The following BRD10 variants were observed in gnomAD, a reference collection of about 807,000 sequenced individuals.
BRD10 encodes uncharacterized bromodomain-containing protein 10.
the BRD10 span, among the ~76,000 whole-genome samples, chr9:5,982,232 A>T: frequency 6.6e-6 from 1 of 152,176 alleles, no homozygotes; most frequent in Admixed American, 6.5e-5. Context: ...CTCCTACTGC[A>T]AGCAGCTACA....
At chr9:5,984,708 T>C in the BRD10 span, among the ~76,000 whole-genome samples, 1 of 152,046 alleles carries the variant, frequency 6.6e-6, no homozygotes, top group Non-Finnish European at 1.5e-5. Flanking sequence ...TAATTGTAAA[T>C]TAAATTTTAA....
At chr9:5,920,259 T>G in the BRD10 span, 1 of 1,613,936 alleles carries the variant, frequency 6.2e-7, no homozygotes, top group African/African-American at 1.3e-5. Flanking sequence ...TTAGTAGATA[T>G]AAGGAGAACA....
At chr9:5,896,649 G>A in the BRD10 span, among the ~76,000 whole-genome samples, 6 of 152,290 alleles carry the variant, frequency 3.9e-5, no homozygotes, top group South Asian at 1.0e-3. Flanking sequence ...CAGTTCTGTC[G>A]ATTTTGATCA....
At chr9:5,971,818 G>A in the BRD10 span, among the ~76,000 whole-genome samples, 1 of 152,088 alleles carries the variant, frequency 6.6e-6, no homozygotes, top group South Asian at 2.1e-4. Flanking sequence ...CACACACTCA[G>A]TAGAGGGGCA....
At chr9:5,897,495 C>G in the BRD10 span, 1 of 1,441,368 alleles carries the variant, frequency 6.9e-7, no homozygotes, top group Non-Finnish European at 9.8e-7. Flanking sequence ...CTGATTTATG[C>G]TTCATCATAA....
the BRD10 span, among the ~76,000 whole-genome samples, chr9:5,927,846 A>C: frequency 6.6e-6 from 1 of 151,890 alleles, no homozygotes; most frequent in Admixed American, 6.6e-5. Context: ...TTTCTTCTCT[A>C]TCTATGCTCA....
At chr9:5,908,643 C>T in the BRD10 span, 2 of 1,613,908 alleles carry the variant, frequency 1.2e-6, no homozygotes, top group South Asian at 1.1e-5. Context: ...CTCACAGGTT[C>T]CCAATGCTCC....
the BRD10 span, chr9:5,908,488 C>G: frequency 1.4e-6 from 1 of 696,970 alleles, no homozygotes; most frequent in Non-Finnish European, 2.5e-6. Context: ...TGAAATTTAA[C>G]AATTACTTCA....
the BRD10 span, chr9:6,007,977 T>A: frequency 1.6e-6 from 2 of 1,284,612 alleles, no homozygotes; most frequent in Non-Finnish European, 2.0e-6. Context: ...CGGGGCGGGG[T>A]TACATGGCGC....
chr9:5,979,635 C>A, the BRD10 span, among the ~76,000 whole-genome samples: 1 of 152,030 alleles, frequency 6.6e-6, no homozygotes, highest in African/African-American at 2.4e-5. Context: ...ATCAAAACTG[C>A]TATCTAATAA....
chr9:5,897,683 T>C, the BRD10 span: 1 of 1,573,594 alleles, frequency 6.4e-7, no homozygotes, highest in Non-Finnish European at 8.7e-7. Context: ...CTGAAATCCC[T>C]CCAAGTCCAG....
At chr9:5,993,877 T>C in the BRD10 span, among the ~76,000 whole-genome samples, 1 of 152,136 alleles carries the variant, frequency 6.6e-6, no homozygotes, top group African/African-American at 2.4e-5. Flanking sequence ...CAGCACACCT[T>C]AGAAATACTT....
At chr9:5,929,893 C>T in the BRD10 span, among the ~76,000 whole-genome samples, 10 of 152,086 alleles carry the variant, frequency 6.6e-5, no homozygotes, top group Non-Finnish European at 1.2e-4. Flanking sequence ...ATAACTTAAA[C>T]CCGTATCTGC....
the BRD10 span, chr9:5,988,515 A>G: frequency 6.2e-7 from 1 of 1,613,900 alleles, no homozygotes; most frequent in African/African-American, 1.3e-5. Flanking sequence ...CTCTAGATGT[A>G]ACTGCTATCG....
the BRD10 span, among the ~76,000 whole-genome samples, chr9:5,992,715 CCT>C: frequency 2.4e-5 from 1 of 41,286 alleles, no homozygotes; most frequent in South Asian, 6.0e-4. Context: ...TCTTTCTCCC[CCT>C]TTTTTTTTTT....
chr9:5,990,701 A>C, the BRD10 span, among the ~76,000 whole-genome samples: 1 of 152,200 alleles, frequency 6.6e-6, no homozygotes, highest in African/African-American at 2.4e-5. Flanking sequence ...CTTCTCTCTC[A>C]CCAACATGTA....
At chr9:5,935,787 C>G in the BRD10 span, among the ~76,000 whole-genome samples, 2 of 152,134 alleles carry the variant, frequency 1.3e-5, no homozygotes, top group Admixed American at 6.5e-5. Context: ...TTTTCATATT[C>G]TCTCACAACG....
At chr9:5,947,951 C>G in the BRD10 span, among the ~76,000 whole-genome samples, 1 of 152,232 alleles carries the variant, frequency 6.6e-6, no homozygotes, top group African/African-American at 2.4e-5. Context: ...GAACACGAAA[C>G]TCCATAGCAG....
At chr9:5,920,253 T>A in the BRD10 span, 1 of 1,613,814 alleles carries the variant, frequency 6.2e-7, no homozygotes, top group Admixed American at 1.7e-5. Flanking sequence ...TTTGGATTAG[T>A]AGATATAAGG....
Sources: allele counts gnomAD v4.1 joint callset (sites outside exome capture counted in the v4.1 genomes callset), GRCh38; gene constraint gnomAD v4.1.1; transcripts MANE v1.5; gene names NCBI Gene and HGNC (gene_info 2026-07-23, HGNC 2026-07-21).